Variants in RIMBP2 observed in about 807,000 individuals in gnomAD.
RIMBP2 encodes RIMS-binding protein 2.
In RIMBP2, 48 loss-of-function variants were observed where a neutral mutation model predicts 118.6. The observed-to-expected ratio is 0.40, with a 90% CI of 0.32 to 0.51. RIMBP2 has a LOEUF of 0.51. RIMBP2 is among the 20% of genes least tolerant of loss of function. The pLI is 0.41. For missense variants in RIMBP2, 1,551 were observed against 1,768.3 expected, an observed-to-expected ratio of 0.88 and a Z score of 2.20; for synonymous variants, 762 against 742.9, an observed-to-expected ratio of 1.03 and a Z score of -0.42.
At chr12:130,412,557 GAGCGGC>G in intron 19 of RIMBP2, 56 bp downstream of exon 19, 1 of 1,488,606 alleles carries the variant, frequency 6.7e-7, no homozygotes. Context: ...CTGCCTCTCT[GAGCGGC>G]AGGTGTTTTG....
At chr12:130,680,186 T>TCTC (rs1375805292) in intron 1 of RIMBP2, among the ~76,000 whole-genome samples, 1 of 152,256 alleles carries the variant, frequency 6.6e-6, no homozygotes, top group Non-Finnish European at 1.5e-5. Flanking sequence ...TTTGGAAAGT[T>TCTC]CTCAGTAAAA....
intron 7 of RIMBP2, among the ~76,000 whole-genome samples, chr12:130,452,591 C>G (rs1444875584): frequency 6.6e-6 from 1 of 152,264 alleles, no homozygotes; most frequent in Non-Finnish European, 1.5e-5. Flanking sequence ...GGCATTGCTG[C>G]CTCTTCTCTG....
chr12:130,580,979 A>G (rs1048067735), intron 2 of RIMBP2, among the ~76,000 whole-genome samples: 3 of 151,986 alleles, frequency 2.0e-5, no homozygotes, highest in African/African-American at 7.3e-5. Flanking sequence ...ATGTATATAT[A>G]GATATATATT....
intron 2 of RIMBP2, among the ~76,000 whole-genome samples, chr12:130,624,651 C>A (rs1209263172): frequency 6.6e-6 from 1 of 152,202 alleles, no homozygotes; most frequent in Non-Finnish European, 1.5e-5. Flanking sequence ...GCATCTGCTG[C>A]CCTTCAAATC....
chr12:130,536,154 T>C (rs1196830333), intron 2 of RIMBP2, among the ~76,000 whole-genome samples: 1 of 151,926 alleles, frequency 6.6e-6, no homozygotes. Context: ...ATTTAAGTAA[T>C]AGTGTGGGTG....
chr12:130,412,893 T>C (rs1246483336), intron 18 of RIMBP2, 106 bp from the exon 19 acceptor site: 3 of 1,093,242 alleles, frequency 2.7e-6, no homozygotes, highest in Non-Finnish European at 3.9e-6. Context: ...ATTTTAAATA[T>C]AGTTTAAAAA....
chr12:130,431,586 CAATT>C lies in RIMBP2; in HGVS notation c.2253+3144_2253+3147del, dbSNP rs556446366. On this transcript the variant is annotated intron_variant, in intron 14 of 22. Transcript: ENST00000690449. This position sits in a 1 kb window ranked among gnomAD's most constrained non-coding sequence, Gnocchi z 4.0. ...TTATATTATTAACAATATATATTAACAATTAATATATTGTTATATTATTATGTTA... is the reference window on the plus strand; with the variant it reads ...TTATATTATTAACAATATATATTAACAATATATTGTTATATTATTATGTTA... 3.4e-3 allele frequency: 548 copies of C among 163,566 alleles called. 5 individuals are homozygous for C. The highest frequency in any genetic ancestry group is 0.015 in the South Asian group (84 of 5,738). 10.1% of individuals were successfully genotyped at this position (163,566 alleles called of 1,614,324 possible). A position where few individuals can be genotyped will look rare whatever the true frequency, so the allele number is the denominator to read the frequency against.
intron 4 of RIMBP2, among the ~76,000 whole-genome samples, chr12:130,487,198 C>T (rs2082563865): frequency 6.6e-6 from 1 of 152,194 alleles, no homozygotes; most frequent in Admixed American, 6.5e-5. Context: ...ACATGCTTGT[C>T]CCTGCATCAC....
chr12:130,590,362 G>A (rs1050391188), intron 2 of RIMBP2, among the ~76,000 whole-genome samples: 2 of 152,132 alleles, frequency 1.3e-5, no homozygotes, highest in African/African-American at 4.8e-5. Context: ...GACTCCCCAG[G>A]GCCACAGCAC....
intron 2 of RIMBP2, among the ~76,000 whole-genome samples, chr12:130,573,359 G>A (rs1353534690): frequency 6.6e-6 from 1 of 151,782 alleles, no homozygotes; most frequent in Middle Eastern, 3.2e-3. Context: ...TTTACTGTTA[G>A]TATGATACTT....
In RIMBP2 at chr12:130,620,188, T is replaced by TGGGC. The variant is rs1378185668; in HGVS notation, c.-217+8130_-217+8133dup. 6.6e-6 allele frequency among the ~76,000 whole-genome samples: 1 copy of TGGGC among 152,120 alleles called. No individual in the cohort carries two copies. The highest frequency in any genetic ancestry group is 1.9e-4 in the East Asian group (1 of 5,176). On this transcript the variant is annotated intron_variant, in intron 2 of 22. Coordinates refer to ENST00000690449, the MANE Select transcript of RIMBP2 (RefSeq NM_001393629.1). The surrounding 1 kb of genome is among the most constrained non-coding windows in gnomAD (Gnocchi z 5.3). ...TGCCTCACCCTCTCCAGCCAAGGGA[T>TGGGC]GGGCACAAGACCGAAGTGGTGGCAG...
chr12:130,613,538 C>G (rs999982761), intron 2 of RIMBP2, among the ~76,000 whole-genome samples: 1 of 152,132 alleles, frequency 6.6e-6, no homozygotes, highest in Non-Finnish European at 1.5e-5. Context: ...CAGTCTCGGC[C>G]GGGCACAGTG....
At chr12:130,493,324 T>A (rs1166344976) in intron 4 of RIMBP2, among the ~76,000 whole-genome samples, 1 of 152,136 alleles carries the variant, frequency 6.6e-6, no homozygotes, top group African/African-American at 2.4e-5. Flanking sequence ...TTCGTTTTGT[T>A]TTGTTTTTGA....
rs2078938725 is a variant in RIMBP2, at chr12:130,450,795, C to A, written c.504+400G>T. Among the ~76,000 whole-genome samples, 1 of 152,106 alleles carries A rather than the reference C, an allele frequency of 6.6e-6. No homozygotes were observed. The highest frequency in any genetic ancestry group is 1.5e-5 in the Non-Finnish European group (1 of 68,012). ...AGCCAAACGCTGTCCTCTGCCCCCG[C>A]CCCCTCTCCAGCCACACCAGCCCCT... is the stretch of plus-strand genomic sequence containing the variant. On this transcript the variant is annotated intron_variant, in intron 8 of 22. Transcript: ENST00000690449. This position sits in a 1 kb window ranked among gnomAD's most constrained non-coding sequence, Gnocchi z 4.8.
intron 2 of RIMBP2, among the ~76,000 whole-genome samples, chr12:130,627,023 C>A (rs1331146573): frequency 6.6e-6 from 1 of 152,044 alleles, no homozygotes; most frequent in Non-Finnish European, 1.5e-5. Flanking sequence ...ATCACCATCT[C>A]CTCCATCACA....
chr12:130,565,361 T>C (rs2057138891), intron 2 of RIMBP2, among the ~76,000 whole-genome samples: 1 of 152,236 alleles, frequency 6.6e-6, no homozygotes, highest in South Asian at 2.1e-4. Flanking sequence ...GAGTCAGCTA[T>C]GACCCAGCAC....
chr12:130,406,372 T>C, intron 20 of RIMBP2, 129 bp from the exon 21 acceptor site: 1 of 631,308 alleles, frequency 1.6e-6, no homozygotes, highest in East Asian at 2.8e-5. Flanking sequence ...TTCAGTCAAA[T>C]AAAGGTAGAA....
chr12:130,456,691 GA>G lies in RIMBP2; in HGVS notation c.162del (p.Arg55GlufsTer56). The G allele has an allele frequency of 6.2e-7, 1 of 1,606,104 alleles. No homozygotes were observed. The highest frequency in any genetic ancestry group is 8.5e-7 in the Non-Finnish European group (1 of 1,174,618). On this transcript the variant is annotated frameshift_variant, in exon 7 of 23. Coordinates refer to ENST00000690449, the MANE Select transcript of RIMBP2 (RefSeq NM_001393629.1). LOFTEE classifies it high-confidence loss of function. Reference sequence around the variant, plus strand: ...GTCCGGCATTTCTCTTCCAGCTCTCGAACCTTGGACTGCACGGCAGAAGCAG... The same window carrying G: ...GTCCGGCATTTCTCTTCCAGCTCTCGACCTTGGACTGCACGGCAGAAGCAG... ...EGAVRLLESK[V>X]RELEEKCRTQ...
chr12:130,563,421 G>T (rs1313843691), intron 2 of RIMBP2, among the ~76,000 whole-genome samples: 1 of 152,192 alleles, frequency 6.6e-6, no homozygotes, highest in South Asian at 2.1e-4. Context: ...AAGTCAATGG[G>T]GTTGAATTTC....
Sources: allele counts gnomAD v4.1 joint callset (sites outside exome capture counted in the v4.1 genomes callset), GRCh38; gene constraint gnomAD v4.1.1; non-coding constraint Gnocchi (gnomAD v3.1); transcripts MANE v1.5; gene names NCBI Gene and HGNC (gene_info 2026-07-23, HGNC 2026-07-21).